NEMP1: variants seen among roughly 807,000 people sequenced by gnomAD.
NEMP1 encodes transmembrane protein 194.
NEMP1 carries 29 observed loss-of-function variants against 53.7 expected under a neutral mutation model. The observed-to-expected ratio is 0.54, with a 90% CI of 0.40 to 0.74. NEMP1 has a LOEUF of 0.74. Among genes scored for constraint, NEMP1 ranks in the 30% least tolerant of loss-of-function variants. The pLI is 0.00. For synonymous variants in NEMP1, 193 were observed against 192.9 expected (o/e 1.00, Z 0.00); for missense variants, 477 against 528.6 (o/e 0.90, Z 0.96).
At chr12:57,066,513 T>C (rs1379730776) in intron 4 of NEMP1, among the ~76,000 whole-genome samples, 1 of 152,222 alleles carries the variant, frequency 6.6e-6, no homozygotes, top group Admixed American at 6.5e-5. Context: ...GAGAGATGTA[T>C]GACTCTTCCT....
In NEMP1 at chr12:57,057,261, T is replaced by C. The variant is rs1295824668; in HGVS notation, c.*2618A>G. On this transcript the variant is annotated 3_prime_UTR_variant, in exon 9 of 9. Coordinates refer to ENST00000300128, the MANE Select transcript of NEMP1 (RefSeq NM_001130963.2). ...GCTTGACATTCACCCAGCAAGACGC[T>C]GACGTGGCAGCAAACACGGCTCCAA... is the stretch of plus-strand genomic sequence containing the variant. 6.6e-6 allele frequency: 1 copy of C among 152,368 alleles called. No homozygotes were observed. Among genetic ancestry groups the C allele is most frequent in the South Asian group, 2.1e-4 (1 of 4,826 alleles). The allele number at this position is 152,368 out of a possible 1,614,324, so 9.4% of individuals were successfully genotyped here.
At chr12:57,078,899 T>C, upstream of NEMP1, 1 of 764,420 alleles carries the variant, frequency 1.3e-6, no homozygotes, top group Non-Finnish European at 2.1e-6. Flanking sequence ...GCCCTATGAG[T>C]CCCGCCCCTT....
chr12:57,083,923 G>A (rs900526601), intron 1 of NEMP1, among the ~76,000 whole-genome samples: 13 of 151,706 alleles, frequency 8.6e-5, no homozygotes, highest in East Asian at 1.9e-4. Context: ...ACAGGCGCCC[G>A]CCACCACGCC....
chr12:57,076,905 CA>C (rs1195893993), intron 1 of NEMP1, among the ~76,000 whole-genome samples: 3 of 143,732 alleles, frequency 2.1e-5, no homozygotes, highest in Non-Finnish European at 4.6e-5. Flanking sequence ...ACCGAGATTG[CA>C]CCACTGCACT....
upstream of NEMP1, among the ~76,000 whole-genome samples, chr12:57,081,063 G>T (rs2032833257): frequency 6.6e-6 from 1 of 152,078 alleles, no homozygotes; most frequent in Non-Finnish European, 1.5e-5. Context: ...TTGATACTAT[G>T]TACCCTTGAT....
intron 1 of NEMP1, among the ~76,000 whole-genome samples, chr12:57,087,533 C>T (rs2033046243): frequency 6.6e-6 from 1 of 152,060 alleles, no homozygotes; most frequent in African/African-American, 2.4e-5. Context: ...AGTTGCGGGG[C>T]GGGGGACTGG....
chr12:57,085,987 C>A (rs943525709), intron 1 of NEMP1, among the ~76,000 whole-genome samples: 5 of 152,152 alleles, frequency 3.3e-5, no homozygotes, highest in Non-Finnish European at 4.4e-5. Context: ...TGGATTTCGG[C>A]TGAAACAAGC....
chr12:57,056,300 A>C lies in NEMP1; in HGVS notation c.*3579T>G, dbSNP rs2136471732. On this transcript the variant is annotated 3_prime_UTR_variant, in exon 9 of 9. Coordinates refer to ENST00000300128, the MANE Select transcript of NEMP1 (RefSeq NM_001130963.2). ...TAAGCTTAAGTCACCAAAAGACATC[A>C]CTGGGTCATAATTATATAGGTTCCC... 1 of 152,320 alleles carries C rather than the reference A, an allele frequency of 6.6e-6. No individual in the cohort carries two copies. The highest frequency in any genetic ancestry group is 1.9e-4 in the East Asian group (1 of 5,192). The allele number at this position is 152,320 out of a possible 1,614,324, so 9.4% of individuals were successfully genotyped here.
upstream of NEMP1, among the ~76,000 whole-genome samples, chr12:57,082,446 G>C (rs974024553): frequency 6.6e-6 from 1 of 152,138 alleles, no homozygotes; most frequent in Non-Finnish European, 1.5e-5. Flanking sequence ...AGCCTCAGTG[G>C]TTCACACCTG....
intron 2 of NEMP1, 65 bp from the exon 3 acceptor site, chr12:57,070,958 A>G: frequency 1.4e-6 from 2 of 1,390,834 alleles, no homozygotes; most frequent in African/African-American, 1.5e-5. Flanking sequence ...TCACAAATAC[A>G]ATTTTTTAAA....
intron 1 of NEMP1, 39 bp downstream of exon 1, chr12:57,078,580 C>A: frequency 1.3e-6 from 2 of 1,587,920 alleles, no homozygotes; most frequent in Non-Finnish European, 1.7e-6. Context: ...ATAACCCCCT[C>A]GGCACCTGCC....
Position 57,070,776 on chromosome 12 carries a change from A to G in NEMP1, c.370T>C (p.Leu124=), listed in dbSNP as rs756046787. The change falls in exon 3 of 9, where the codon TTG becomes CTG. Residue 124 remains leucine (L), a synonymous_variant. Coordinates refer to ENST00000300128, the MANE Select transcript of NEMP1 (RefSeq NM_001130963.2). ...NFFSSFLKEK[L]NDTYVNVGLY... is the part of the protein sequence containing the mutation. ...CCCACGTTAACATAGGTGTCATTCA[A>G]TTTCTCTTTTAAAAAGGAGGAAAAA... is the stretch of plus-strand genomic sequence containing the variant. The G allele has an allele frequency of 2.2e-5, 35 of 1,610,966 alleles. No homozygotes were observed. Among genetic ancestry groups the G allele is most frequent in the Non-Finnish European group, 3.0e-5 (35 of 1,178,242 alleles).
intron 1 of NEMP1, among the ~76,000 whole-genome samples, chr12:57,076,324 A>T (rs2032618833): frequency 6.6e-6 from 1 of 151,958 alleles, no homozygotes. Context: ...ATGATTGTGC[A>T]CTGCACTCTA....
chr12:57,061,049 C>T (rs1020525138), intron 7 of NEMP1, 104 bp from the exon 8 acceptor site: 8 of 1,144,214 alleles, frequency 7.0e-6, no homozygotes, highest in Non-Finnish European at 9.7e-6. Flanking sequence ...ACAGCCTGAA[C>T]ATTAAGAGTC....
At chr12:57,068,157 C>A (rs977381504) in intron 4 of NEMP1, among the ~76,000 whole-genome samples, 3 of 152,134 alleles carry the variant, frequency 2.0e-5, no homozygotes, top group Non-Finnish European at 2.9e-5. Flanking sequence ...CCCACTCCAG[C>A]CCAACTTCAA....
At chr12:57,073,072 G>GCAGAATCTT (rs1053375918) in intron 1 of NEMP1, among the ~76,000 whole-genome samples, 160 bp from the exon 2 acceptor site, 1 of 151,884 alleles carries the variant, frequency 6.6e-6, no homozygotes, top group Non-Finnish European at 1.5e-5. Context: ...AAGAACTAAG[G>GCAGAATCTT]CAGAATCTTA....
At chr12:57,082,239 A>C (rs1309254859), upstream of NEMP1, among the ~76,000 whole-genome samples, 1 of 152,124 alleles carries the variant, frequency 6.6e-6, no homozygotes, top group African/African-American at 2.4e-5. Flanking sequence ...ACAACAACAA[A>C]AACTCAAAGG....
intron 1 of NEMP1, among the ~76,000 whole-genome samples, chr12:57,077,855 G>T (rs1394778108): frequency 6.6e-6 from 1 of 152,150 alleles, no homozygotes; most frequent in Non-Finnish European, 1.5e-5. Context: ...GGGCCAAGGC[G>T]GATGGATCAC....
intron 1 of NEMP1, among the ~76,000 whole-genome samples, chr12:57,073,472 G>A (rs112596414): frequency 0.091 from 13,775 of 151,638 alleles, 647 homozygotes; most frequent in East Asian, 0.19. Flanking sequence ...AAACCCCCCC[G>A]TCTCTACTAA....
Sources: gnomAD v4.1 joint callset for allele counts (sites outside exome capture counted in the v4.1 genomes callset) on GRCh38, gnomAD v4.1.1 for gene constraint, MANE v1.5 for transcripts, NCBI Gene and HGNC (gene_info 2026-07-23, HGNC 2026-07-21) for gene names.